Variants in POLR1C observed in about 807,000 individuals in gnomAD.
POLR1C encodes RNA polymerase I and III subunit C.
In POLR1C, 42 loss-of-function variants were observed where a neutral mutation model predicts 38.3. The ratio of observed to expected loss-of-function variants is 1.10; its 90% CI spans 0.86 to 1.42. The LOEUF is 1.42. Among genes scored for constraint, POLR1C ranks in the 40% most tolerant of loss-of-function variants. The pLI, the probability that POLR1C is intolerant of heterozygous loss-of-function variation, is 0.00. For missense variants in POLR1C, 507 were observed against 450.5 expected, an observed-to-expected ratio of 1.13 and a Z score of -1.14; for synonymous variants, 163 against 163.9, an observed-to-expected ratio of 0.99 and a Z score of 0.04.
downstream of POLR1C, chr6:43,521,601 T>C: frequency 1.9e-6 from 1 of 535,082 alleles, no homozygotes; most frequent in Non-Finnish European, 2.9e-6. Context: ...CTCAGCTCAC[T>C]GCAGCTTCCT....
chr6:43,519,516 C>G, intron 3 of POLR1C, 76 bp downstream of exon 3: 1 of 1,351,696 alleles, frequency 7.4e-7, no homozygotes, highest in Non-Finnish European at 1.1e-6. Context: ...AATTAAGTGT[C>G]TCAAGCTGTC....
chr6:43,545,665 C>T (rs902350577), intron 9 of POLR1C, among the ~76,000 whole-genome samples: 10 of 152,046 alleles, frequency 6.6e-5, no homozygotes, highest in South Asian at 2.1e-4. Context: ...CAAGATTGCA[C>T]CACTGCACTC....
chr6:43,529,435 T>A, exon 9 of POLR1C: 1 of 324,600 alleles, frequency 3.1e-6, no homozygotes, highest in Non-Finnish European at 5.8e-6. Context: ...GCGCCTGTAG[T>A]CCCAGCTACT....
chr6:43,523,474 T>C, downstream of POLR1C: 3 of 362,528 alleles, frequency 8.3e-6, no homozygotes, highest in South Asian at 6.4e-5. Context: ...AGGGCTGTGC[T>C]CTTGCTGCGA....
intron 8 of POLR1C, chr6:43,526,842 G>A (rs193060856): frequency 8.4e-6 from 11 of 1,315,728 alleles, no homozygotes; most frequent in Non-Finnish European, 1.2e-5. Context: ...TCTCTGGCCA[G>A]GTGAGGAAGG....
intron 9 of POLR1C, among the ~76,000 whole-genome samples, chr6:43,542,740 TA>T (rs1363633384): frequency 6.6e-6 from 1 of 152,162 alleles, no homozygotes; most frequent in East Asian, 1.9e-4. Flanking sequence ...AATAGTAATT[TA>T]AAACTCCCAA....
chr6:43,549,440 C>T (rs1355513170), intron 9 of POLR1C: 2 of 1,539,338 alleles, frequency 1.3e-6, no homozygotes, highest in Admixed American at 2.1e-5. Flanking sequence ...TGGATTTACA[C>T]ACAAATGTAA....
At chr6:43,555,736 T>C (rs529691256) in intron 10 of POLR1C, 1 of 1,445,920 alleles carries the variant, frequency 6.9e-7, no homozygotes, top group South Asian at 1.4e-5. Context: ...ATAGTATAAG[T>C]ATATCGTTCT....
intron 4 of POLR1C, 80 bp from the exon 5 acceptor site, chr6:43,519,986 T>C: frequency 1.9e-6 from 3 of 1,579,188 alleles, no homozygotes; most frequent in East Asian, 2.3e-5. Context: ...CATAATTAAA[T>C]GGGAAACACG....
At position 43,521,301 on chromosome 6, in the gene POLR1C, G is replaced by A. The variant is rs747233730; in HGVS notation, c.*1G>A. ...ACTAGATGCGGTTCAGATGGACTGA[G>A]CTTGGATGCTTCTGAGGCAAGCTGA... On this transcript the variant is annotated 3_prime_UTR_variant, in exon 9 of 9. Transcript: ENST00000642195. The A allele has an allele frequency of 9.9e-6, 16 of 1,612,084 alleles. No homozygotes were observed. Among genetic ancestry groups the A allele is most frequent in the Non-Finnish European group, 1.3e-5 (15 of 1,179,988 alleles).
chr6:43,529,024 T>C, intron 8 of POLR1C: 1 of 1,219,328 alleles, frequency 8.2e-7, no homozygotes, highest in South Asian at 1.5e-5. Context: ...CCTAAAGGAT[T>C]TGCCAGATGT....
At chr6:43,542,942 G>A (rs560087012) in intron 9 of POLR1C, among the ~76,000 whole-genome samples, 1 of 152,200 alleles carries the variant, frequency 6.6e-6, no homozygotes, top group Non-Finnish European at 1.5e-5. Flanking sequence ...AGCATGATAT[G>A]TAATATTAAA....
At chr6:43,557,244 G>C (rs1391086375) in intron 10 of POLR1C, among the ~76,000 whole-genome samples, 1 of 151,778 alleles carries the variant, frequency 6.6e-6, no homozygotes, top group Non-Finnish European at 1.5e-5. Flanking sequence ...GGCTAACACA[G>C]TGAAACCCTG....
intron 8 of POLR1C, chr6:43,528,056 G>T: frequency 1.7e-6 from 2 of 1,192,294 alleles, no homozygotes; most frequent in Non-Finnish European, 2.4e-6. Flanking sequence ...ACAACCTACT[G>T]CTCTTCTACC....
At chr6:43,552,789 C>A (rs1795311515) in intron 10 of POLR1C, among the ~76,000 whole-genome samples, 1 of 152,156 alleles carries the variant, frequency 6.6e-6, no homozygotes. Context: ...TCTGTGCATA[C>A]CCTCCTTTTC....
intron 10 of POLR1C, among the ~76,000 whole-genome samples, chr6:43,554,491 C>A (rs1761926826): frequency 6.6e-6 from 1 of 150,892 alleles, no homozygotes; most frequent in Non-Finnish European, 1.5e-5. Context: ...GTGGCACGAT[C>A]TTGGCTCACT....
chr6:43,551,707 T>C (rs1165274214), intron 10 of POLR1C, among the ~76,000 whole-genome samples: 1 of 151,978 alleles, frequency 6.6e-6, no homozygotes, highest in African/African-American at 2.4e-5. Context: ...AAAATTTTTG[T>C]AGAGATGTTG....
At chr6:43,550,368 G>A (rs1795169903) in intron 9 of POLR1C, among the ~76,000 whole-genome samples, 2 of 152,128 alleles carry the variant, frequency 1.3e-5, no homozygotes, top group African/African-American at 4.8e-5. Flanking sequence ...AAACTCACTG[G>A]GCATTCTCCA....
chr6:43,553,273 G>A, intron 10 of POLR1C: 1 of 1,410,646 alleles, frequency 7.1e-7, no homozygotes, highest in East Asian at 2.6e-5. Flanking sequence ...CTGCATTTCA[G>A]CCTGAGCAAC....
Sources: gnomAD v4.1 joint callset for allele counts (sites outside exome capture counted in the v4.1 genomes callset) on GRCh38, gnomAD v4.1.1 for gene constraint, MANE v1.5 for transcripts, NCBI Gene and HGNC (gene_info 2026-07-23, HGNC 2026-07-21) for gene names.